CNOT1: variants seen among roughly 807,000 people sequenced by gnomAD.
CNOT1 encodes CCR4-associated factor 1.
CNOT1 carries 15 observed loss-of-function variants against 273.8 expected under a neutral mutation model. The ratio of observed to expected loss-of-function variants is 0.05; its 90% CI spans 0.04 to 0.08. The LOEUF (loss-of-function observed/expected upper bound fraction) is 0.08. Among genes scored for constraint, CNOT1 ranks in the 10% least tolerant of loss-of-function variants. The pLI is 1.00. For synonymous variants in CNOT1, 1,022 were observed against 1,005.5 expected, an observed-to-expected ratio of 1.02 and a Z score of -0.31; for missense variants, 1,644 against 2,912.2, an observed-to-expected ratio of 0.56 and a Z score of 10.02.
intron 11 of CNOT1, 128 bp from the exon 12 acceptor site, chr16:58,580,888 T>A: frequency 1.0e-6 from 1 of 954,542 alleles, no homozygotes; most frequent in Non-Finnish European, 1.5e-6. Context: ...AAATCTTAAT[T>A]ATTTGCCCTT....
At chr16:58,607,721 CAAA>C (rs71385179) in intron 1 of CNOT1, among the ~76,000 whole-genome samples, 3 of 67,158 alleles carry the variant, frequency 4.5e-5, no homozygotes, top group Non-Finnish European at 5.5e-5. Flanking sequence ...CAGCAAAACT[CAAA>C]AAAAAAAAAA....
chr16:58,617,536 G>T (rs2043135140), intron 1 of CNOT1, among the ~76,000 whole-genome samples: 2 of 152,092 alleles, frequency 1.3e-5, no homozygotes, highest in African/African-American at 4.8e-5. Flanking sequence ...GTAAGTACAA[G>T]AATTTTCCAA....
At position 58,615,528 on chromosome 16, in the gene CNOT1, G is replaced by A. The variant is rs188914770; in HGVS notation, c.-175+14200C>T. The stretch of plus-strand genomic sequence containing the variant: ...AGGATGATGTCATGAGATGACAGAC[G>A]AAGGGAGACTTCTTGAATTATTGCA... On this transcript the variant is annotated intron_variant, in intron 1 of 48. Transcript: ENST00000317147. Among the ~76,000 whole-genome samples, 560 of 125,002 alleles carry A rather than the reference G, an allele frequency of 4.5e-3. 104 individuals are homozygous for A. The highest frequency in any genetic ancestry group is 0.014 in the African/African-American group (535 of 37,222). The allele number at this position is 125,002 out of a possible 152,430, so 82.0% of individuals were successfully genotyped here.
chr16:58,591,852 A>T (rs8051650), intron 2 of CNOT1, among the ~76,000 whole-genome samples: 114,386 of 151,966 alleles, frequency 0.75, 43,451 homozygotes, highest in Middle Eastern at 0.86. Context: ...TGTCTTCTTT[A>T]GGTCAAATAG....
chr16:58,587,226 A>C lies in CNOT1; in HGVS notation c.408T>G (p.Ser136=), dbSNP rs1298660221. The change falls in exon 6 of 49, where the codon TCT becomes TCG. Residue 136 remains serine, a synonymous_variant. Transcript: ENST00000317147. ...CGAAACCTCTAAGATCTGAGCTGGA[A>C]GAATTCAACAGGGCAAGGCCAAAAA... ...EVIFGLALLN[S]SSSDLRGFAA... 6.2e-7 allele frequency: 1 copy of C among 1,613,800 alleles called. No individual in the cohort carries two copies. The highest frequency in any genetic ancestry group is 8.5e-7 in the Non-Finnish European group (1 of 1,179,924).
intron 1 of CNOT1, among the ~76,000 whole-genome samples, chr16:58,618,961 G>A (rs1043049154): frequency 6.6e-6 from 1 of 152,168 alleles, no homozygotes; most frequent in Non-Finnish European, 1.5e-5. Context: ...GGGAGGCTAA[G>A]GTGGGAGGAT....
intron 16 of CNOT1, among the ~76,000 whole-genome samples, chr16:58,566,355 T>G (rs762216036): frequency 1.3e-5 from 2 of 152,240 alleles, no homozygotes; most frequent in Non-Finnish European, 2.9e-5. Flanking sequence ...CAAAATACTT[T>G]GGATACATTA....
At chr16:58,594,251 AAAAAAC>A (rs1200261837) in intron 2 of CNOT1, among the ~76,000 whole-genome samples, 1 of 151,290 alleles carries the variant, frequency 6.6e-6, no homozygotes. Context: ...TCTCAAAACA[AAAAAAC>A]AAAAACAAAA....
intron 25 of CNOT1, chr16:58,548,359 A>G: frequency 2.0e-5 from 8 of 406,258 alleles, no homozygotes; most frequent in Non-Finnish European, 3.9e-5. Context: ...ATACCCATCT[A>G]CTCTGTGGTA....
At chr16:58,552,968 G>T (rs1440921059) in intron 22 of CNOT1, among the ~76,000 whole-genome samples, 1 of 152,146 alleles carries the variant, frequency 6.6e-6, no homozygotes, top group Non-Finnish European at 1.5e-5. Flanking sequence ...CCCAGGGACT[G>T]ACTCCTTTTA....
chr16:58,594,706 G>T (rs1372595327), intron 2 of CNOT1, among the ~76,000 whole-genome samples: 1 of 151,694 alleles, frequency 6.6e-6, no homozygotes, highest in Non-Finnish European at 1.5e-5. Flanking sequence ...GGAGGGAGAG[G>T]CTTGGAAATC....
At chr16:58,544,227 A>G (rs1461675761) in intron 30 of CNOT1, among the ~76,000 whole-genome samples, 1 of 152,200 alleles carries the variant, frequency 6.6e-6, no homozygotes, top group Non-Finnish European at 1.5e-5. Context: ...GTGCTCTTAA[A>G]AGAAAGCAAC....
chr16:58,523,479 T>C lies in CNOT1; in HGVS notation c.6808A>G (p.Ile2270Val). The change falls in exon 47 of 49, where the codon ATT (isoleucine) becomes GTT (valine). Residue 2270 changes from isoleucine (I) to valine (V), a missense_variant. This residue lies in a region of CNOT1 where 140 missense variants were observed against 324.6 expected (regional missense o/e 0.43). Coordinates refer to ENST00000317147, the MANE Select transcript of CNOT1 (RefSeq NM_016284.5). ...TEGRYLFLNAIANQLRYPNSH... is the reference protein window; with the variant it reads ...TEGRYLFLNAVANQLRYPNSH... ...TTTGGGTACCGGAGCTGATTTGCAA[T>C]TGCATTCAAAAAGAGATAGCGACCT... 1 of 1,613,952 alleles carries C rather than the reference T, an allele frequency of 6.2e-7. No homozygotes were observed.
intron 39 of CNOT1, 93 bp from the exon 40 acceptor site, chr16:58,534,488 A>G: frequency 7.5e-7 from 1 of 1,334,204 alleles, no homozygotes; most frequent in Non-Finnish European, 1.0e-6. Flanking sequence ...AGATATTCTC[A>G]TTTGTTCCTA....
intron 2 of CNOT1, chr16:58,597,454 GAC>G (rs2042304446): frequency 1.0e-5 from 2 of 190,648 alleles, no homozygotes; most frequent in African/African-American, 2.4e-5. Context: ...CAGCCTGAGT[GAC>G]AGAGTGAAAC....
intron 25 of CNOT1, among the ~76,000 whole-genome samples, chr16:58,548,139 A>G (rs2040321527): frequency 1.3e-5 from 2 of 152,326 alleles, no homozygotes; most frequent in South Asian, 2.1e-4. Context: ...TTAGCCTCCT[A>G]TTGCAATCTT....
chr16:58,544,586 G>A (rs2040197888), intron 30 of CNOT1, among the ~76,000 whole-genome samples: 1 of 152,132 alleles, frequency 6.6e-6, no homozygotes, highest in Non-Finnish European at 1.5e-5. Context: ...ATGTCTATAG[G>A]AGTGGGGATG....
chr16:58,532,250 T>G lies in CNOT1; in HGVS notation c.6041A>C (p.Gln2014Pro). 1.2e-6 allele frequency: 2 copies of G among 1,614,110 alleles called. No individual in the cohort carries two copies. The highest frequency in any genetic ancestry group is 1.7e-6 in the Non-Finnish European group (2 of 1,179,948). The change falls in exon 41 of 49, where the codon CAG (glutamine) becomes CCG (proline). Residue 2014 changes from glutamine (Q) to proline (P), a missense_variant. This residue lies in a region of CNOT1 where 133 missense variants were observed against 328.2 expected (regional missense o/e 0.41). Coordinates refer to ENST00000317147, the MANE Select transcript of CNOT1 (RefSeq NM_016284.5). ...TACTCACCAGAAAGCTGTAAGTGTCTGGAAATTAATGGTTTCCAACACATG... is the reference window on the plus strand; with the variant it reads ...TACTCACCAGAAAGCTGTAAGTGTCGGGAAATTAATGGTTTCCAACACATG... Reference protein sequence around the residue: ...PEHVLETINFQTLTAFCNTFH... With the variant: ...PEHVLETINFPTLTAFCNTFH...
rs1597453527 is a variant in CNOT1 at position 58,557,164 on chromosome 16, G to C, written c.2333-171C>G. 2.6e-5 allele frequency among the ~76,000 whole-genome samples: 4 copies of C among 152,216 alleles called. No individual in the cohort carries two copies. The South Asian group carries it at 8.3e-4, about 32-fold the overall frequency. ...TATTACATCTATTCAATTTTACAGA[G>C]CCTATAAACTAGGCAGTAACGGATA... On this transcript the variant is annotated intron_variant, in intron 18 of 48. Transcript: ENST00000317147.
Sources: gnomAD v4.1 joint callset for allele counts (sites outside exome capture counted in the v4.1 genomes callset) on GRCh38, gnomAD v4.1.1 for gene constraint, gnomAD v4.1.1 regional missense constraint, MANE v1.5 for transcripts, NCBI Gene and HGNC (gene_info 2026-07-23, HGNC 2026-07-21) for gene names.